Variants in RANBP2 observed in about 807,000 individuals in gnomAD.
RANBP2 encodes the protein RAN binding protein 2.
In RANBP2, 57 loss-of-function variants were observed where a neutral mutation model predicts 303.6. The ratio of observed to expected loss-of-function variants is 0.19; its 90% CI spans 0.15 to 0.23. The LOEUF is 0.23. RANBP2 is among the 10% of genes least tolerant of loss of function. The pLI, the probability that RANBP2 is intolerant of heterozygous loss-of-function variation, is 1.00. For synonymous variants in RANBP2, 1,167 were observed against 1,301.5 expected (o/e 0.90, Z 2.23); for missense variants, 3,138 against 3,780.8 (o/e 0.83, Z 4.46).
chr2:109,399,989 C>T, the RANBP2 span, among the ~76,000 whole-genome samples: 1 of 152,258 alleles, frequency 6.6e-6, no homozygotes. Context: ...TCCAGAGTCC[C>T]TCTGGCTGCC....
At chr2:108,838,429 A>G in the RANBP2 span, among the ~76,000 whole-genome samples, 1 of 152,194 alleles carries the variant, frequency 6.6e-6, no homozygotes, top group Admixed American at 6.5e-5. Flanking sequence ...CTATACAATT[A>G]TTTCCAGGTT....
the RANBP2 span, among the ~76,000 whole-genome samples, chr2:109,207,946 CTTCTT>C: frequency 6.6e-6 from 1 of 152,160 alleles, no homozygotes; most frequent in African/African-American, 2.4e-5. Flanking sequence ...TCTGGAATTC[CTTCTT>C]TTACTCTTAC....
the RANBP2 span, among the ~76,000 whole-genome samples, chr2:109,635,606 C>G: frequency 2.0e-5 from 3 of 152,140 alleles, no homozygotes; most frequent in Non-Finnish European, 2.9e-5. Flanking sequence ...GATGCTACAT[C>G]CAAAAAGGGA....
chr2:108,812,985 CA>C, the RANBP2 span: 12 of 1,433,854 alleles, frequency 8.4e-6, no homozygotes, highest in Non-Finnish European at 1.2e-5. Context: ...TACGGTGGCT[CA>C]CACCTGTAAT....
the RANBP2 span, among the ~76,000 whole-genome samples, chr2:108,937,506 T>C: frequency 2.0e-5 from 3 of 152,236 alleles, no homozygotes; most frequent in East Asian, 5.8e-4. Context: ...TGTGTATGAA[T>C]GTATGCATGT....
the RANBP2 span, among the ~76,000 whole-genome samples, chr2:108,823,777 C>T: frequency 0.63 from 96,172 of 152,030 alleles, 33,928 homozygotes; most frequent in East Asian, 0.9. Flanking sequence ...GTCAGGAGTT[C>T]GAGACCAGCC....
At chr2:109,395,834 T>C in the RANBP2 span, among the ~76,000 whole-genome samples, 1 of 152,318 alleles carries the variant, frequency 6.6e-6, no homozygotes, top group African/African-American at 2.4e-5. Context: ...GCCCCATCTC[T>C]TCTGGACTTG....
the RANBP2 span, among the ~76,000 whole-genome samples, chr2:109,576,508 T>TA: frequency 1.3e-5 from 2 of 152,114 alleles, no homozygotes; most frequent in Admixed American, 6.5e-5. Flanking sequence ...TAACAACAGT[T>TA]AAGTGATCCT....
chr2:109,528,597 G>GAA, the RANBP2 span, among the ~76,000 whole-genome samples: 1 of 152,174 alleles, frequency 6.6e-6, no homozygotes, highest in Non-Finnish European at 1.5e-5. Flanking sequence ...GAAGGAATCA[G>GAA]GCCCAGGAGA....
chr2:108,740,093 T>G (rs1014864685), intron 6 of RANBP2, among the ~76,000 whole-genome samples: 12 of 152,230 alleles, frequency 7.9e-5, no homozygotes, highest in African/African-American at 2.9e-4. Context: ...TACTTATAAT[T>G]TGGAAATGGT....
chr2:109,705,883 G>A, the RANBP2 span, among the ~76,000 whole-genome samples: 183 of 152,220 alleles, frequency 1.2e-3, no homozygotes, highest in African/African-American at 4.2e-3. Flanking sequence ...CTTCTAAGGT[G>A]GAAATCTTGA....
the RANBP2 span, among the ~76,000 whole-genome samples, chr2:108,966,238 G>C: frequency 1.3e-5 from 2 of 152,170 alleles, no homozygotes; most frequent in Non-Finnish European, 2.9e-5. Flanking sequence ...CTTGCATGTT[G>C]TTGCCTACTC....
At chr2:108,876,362 C>T in the RANBP2 span, 1 of 597,040 alleles carries the variant, frequency 1.7e-6, no homozygotes, top group Non-Finnish European at 2.8e-6. Flanking sequence ...CATCATTTAT[C>T]ATGAAAAATA....
At chr2:109,460,905 G>A in the RANBP2 span, among the ~76,000 whole-genome samples, 1 of 152,184 alleles carries the variant, frequency 6.6e-6, no homozygotes, top group Non-Finnish European at 1.5e-5. Flanking sequence ...CCTCAGGGAT[G>A]TCCCAGAGAG....
the RANBP2 span, among the ~76,000 whole-genome samples, chr2:109,342,908 G>T: frequency 2.6e-5 from 4 of 152,206 alleles, no homozygotes; most frequent in Admixed American, 1.3e-4. Context: ...GATGTTAATT[G>T]TCCTGTAGGC....
chr2:109,137,287 T>A, the RANBP2 span, among the ~76,000 whole-genome samples: 1 of 152,336 alleles, frequency 6.6e-6, no homozygotes, highest in African/African-American at 2.4e-5. Context: ...GCTTTGCACT[T>A]CTTCTTTCTG....
chr2:109,080,454 A>T, the RANBP2 span, among the ~76,000 whole-genome samples: 26 of 152,272 alleles, frequency 1.7e-4, no homozygotes, highest in Admixed American at 1.6e-3. Flanking sequence ...GAGACCAAGA[A>T]GTGGGGAGCA....
chr2:109,469,979 T>C, the RANBP2 span, among the ~76,000 whole-genome samples: 1 of 152,198 alleles, frequency 6.6e-6, no homozygotes, highest in Non-Finnish European at 1.5e-5. Context: ...CATGAGCAGA[T>C]ACGCTTGATC....
the RANBP2 span, among the ~76,000 whole-genome samples, chr2:109,631,741 A>C: frequency 6.6e-6 from 1 of 151,770 alleles, no homozygotes; most frequent in African/African-American, 2.4e-5. Flanking sequence ...GGGTAACAAG[A>C]GCGAAACTCA....
Sources: allele counts gnomAD v4.1 joint callset (sites outside exome capture counted in the v4.1 genomes callset), GRCh38; gene constraint gnomAD v4.1.1; transcripts MANE v1.5; gene names NCBI Gene and HGNC (gene_info 2026-07-23, HGNC 2026-07-21).